The following CAMSAP2 variants were observed in gnomAD, a reference collection of about 807,000 sequenced individuals.
The protein encoded by CAMSAP2 is calmodulin regulated spectrin associated protein family member 2.
Under a neutral mutation model 146.1 loss-of-function variants are expected in CAMSAP2, and 26 were observed. That is an observed-to-expected ratio of 0.18 (90% CI 0.13 to 0.25). The LOEUF (loss-of-function observed/expected upper bound fraction) is 0.25. CAMSAP2 is among the 10% of genes least tolerant of loss of function. CAMSAP2 has a pLI of 1.00. For synonymous variants in CAMSAP2, 499 were observed against 596.6 expected (o/e 0.84, Z 2.38); for missense variants, 1,381 against 1,759.3 (o/e 0.78, Z 3.85).
At chr1:200,769,203 T>C (rs1665044589) in intron 2 of CAMSAP2, among the ~76,000 whole-genome samples, 1 of 152,198 alleles carries the variant, frequency 6.6e-6, no homozygotes, top group Non-Finnish European at 1.5e-5. Flanking sequence ...GCTTTTGAAC[T>C]CTTGTATTTT....
At chr1:200,771,306 AT>A (rs1385708513) in intron 2 of CAMSAP2, among the ~76,000 whole-genome samples, 2 of 152,202 alleles carry the variant, frequency 1.3e-5, no homozygotes, top group Non-Finnish European at 2.9e-5. Flanking sequence ...TATTTAAAAA[AT>A]GTTTAGAATT....
Position 200,844,685 on chromosome 1 carries a change from AATAGAAGTTAAATTTTGTT to A in CAMSAP2, c.1022-93_1022-75del, listed in dbSNP as rs1667415985. The A allele has an allele frequency of 1.4e-5, 8 of 580,476 alleles. No individual in the cohort carries two copies. In the East Asian group the frequency reaches 2.5e-4, roughly 18 times the overall value. 36.0% of individuals were successfully genotyped at this position (580,476 alleles called of 1,614,324 possible). ...TGATTTCTCAATACGTAGAAAGGGAAATAGAAGTTAAATTTTGTTATAAATTTGCTTATGGTCCAGAATT... is the reference window on the plus strand; with the variant it reads ...TGATTTCTCAATACGTAGAAAGGGAAATAAATTTGCTTATGGTCCAGAATT... On this transcript the variant is annotated intron_variant, in intron 7 of 16. Coordinates refer to ENST00000358823, the MANE Select transcript of CAMSAP2 (RefSeq NM_203459.4).
chr1:200,782,782 C>CTTTTTTTT (rs57995961), intron 2 of CAMSAP2, among the ~76,000 whole-genome samples: 1 of 72,242 alleles, frequency 1.4e-5, no homozygotes, highest in Non-Finnish European at 2.7e-5. Context: ...TCATTTCTCT[C>CTTTTTTTT]TTTTTTTTTT....
intron 1 of CAMSAP2, among the ~76,000 whole-genome samples, chr1:200,748,899 G>A (rs1558159057): frequency 6.6e-6 from 1 of 151,540 alleles, no homozygotes; most frequent in Non-Finnish European, 1.5e-5. Context: ...TTTATTATTT[G>A]GTTACCCTGA....
At chr1:200,769,203 T>G (rs1665044589) in intron 2 of CAMSAP2, among the ~76,000 whole-genome samples, 1 of 152,198 alleles carries the variant, frequency 6.6e-6, no homozygotes, top group Admixed American at 6.5e-5. Context: ...GCTTTTGAAC[T>G]CTTGTATTTT....
At position 200,849,673 on chromosome 1, in the gene CAMSAP2, A is replaced by G; in HGVS notation, c.2904A>G (p.Ala968=). ...PSPQSSNRKS[A]SFSVKSQRTP... Reference sequence around the variant, plus strand: ...CACAGTCTTCTAACAGGAAAAGTGCATCTTTTTCTGTTAAAAGTCAAAGGA... The same window carrying G: ...CACAGTCTTCTAACAGGAAAAGTGCGTCTTTTTCTGTTAAAAGTCAAAGGA... Residue 968 remains alanine, a synonymous_variant, in exon 11 of 17, where the codon GCA becomes GCG. Coordinates refer to ENST00000358823, the MANE Select transcript of CAMSAP2 (RefSeq NM_203459.4). The surrounding 1 kb of genome is among the most constrained non-coding windows in gnomAD (Gnocchi z 6.3). 3.7e-6 allele frequency: 6 copies of G among 1,614,194 alleles called. No individual in the cohort carries two copies. The highest frequency in any genetic ancestry group is 5.1e-6 in the Non-Finnish European group (6 of 1,180,018).
intron 1 of CAMSAP2, among the ~76,000 whole-genome samples, chr1:200,760,506 G>A (rs1664771360): frequency 6.6e-6 from 1 of 152,142 alleles, no homozygotes; most frequent in South Asian, 2.1e-4. Context: ...ATTGAAATTA[G>A]TTTTTAGGAA....
At chr1:200,808,618 C>A (rs1178682550) in intron 3 of CAMSAP2, among the ~76,000 whole-genome samples, 2 of 152,186 alleles carry the variant, frequency 1.3e-5, no homozygotes, top group Non-Finnish European at 1.5e-5. Flanking sequence ...TTCCCTGACT[C>A]CTCCTCAGCT....
intron 2 of CAMSAP2, among the ~76,000 whole-genome samples, chr1:200,777,410 A>G (rs1296642810): frequency 1.3e-5 from 2 of 152,216 alleles, no homozygotes; most frequent in African/African-American, 2.4e-5. Context: ...GAAGCATGGT[A>G]GAACATCTTG....
chr1:200,743,556 A>C (rs565030750), intron 1 of CAMSAP2, among the ~76,000 whole-genome samples: 12 of 152,044 alleles, frequency 7.9e-5, no homozygotes, highest in African/African-American at 2.9e-4. Context: ...TGTGTCTTTG[A>C]CTTTGTAGTC....
chr1:200,803,990 G>C (rs1666104883), intron 2 of CAMSAP2, among the ~76,000 whole-genome samples: 1 of 151,368 alleles, frequency 6.6e-6, no homozygotes, highest in East Asian at 1.9e-4. Context: ...GCAGTGGTGC[G>C]ACCTCGGCTC....
At position 200,832,914 on chromosome 1, in the gene CAMSAP2, C is replaced by T. The variant is rs1002741745; in HGVS notation, c.927+69C>T. On this transcript the variant is annotated intron_variant, in intron 6 of 16. Transcript: ENST00000358823. The surrounding 1 kb of genome is among the most constrained non-coding windows in gnomAD (Gnocchi z 4.2). ...TGTTTTTTTAAAAAACAAACAAAAACACCGGGAACAGTGGCTCATGCCTGT... is the reference window on the plus strand; with the variant it reads ...TGTTTTTTTAAAAAACAAACAAAAATACCGGGAACAGTGGCTCATGCCTGT... 1.5e-6 allele frequency: 2 copies of T among 1,377,574 alleles called. No individual in the cohort carries two copies. Among genetic ancestry groups the T allele is most frequent in the Admixed American group, 2.2e-5 (1 of 45,618 alleles). 85.3% of individuals were successfully genotyped at this position (1,377,574 alleles called of 1,614,324 possible). A position where few individuals can be genotyped will look rare whatever the true frequency, so the allele number is the denominator to read the frequency against.
chr1:200,817,072 A>C (rs530284766), intron 4 of CAMSAP2, among the ~76,000 whole-genome samples: 2 of 139,440 alleles, frequency 1.4e-5, no homozygotes, highest in African/African-American at 5.2e-5. Flanking sequence ...ACACGTATAT[A>C]TGTGTATACA....
At chr1:200,786,862 T>A (rs1015004422) in intron 2 of CAMSAP2, among the ~76,000 whole-genome samples, 3 of 152,180 alleles carry the variant, frequency 2.0e-5, no homozygotes, top group African/African-American at 7.2e-5. Flanking sequence ...AAGCCAGTGC[T>A]CATTTACCAT....
At position 200,768,275 on chromosome 1, in the gene CAMSAP2, T is replaced by C. The variant is rs144824177; in HGVS notation, c.399+7177T>C. Among the ~76,000 whole-genome samples, 60 of 152,266 alleles carry C rather than the reference T, an allele frequency of 3.9e-4. No homozygotes were observed. The East Asian group carries it at 0.01, about 26-fold the overall frequency. ...AAATGAAGGCTGTGTTGTACGGTAT[T>C]GTATTTGGGAGTATAATGGGATGTT... On this transcript the variant is annotated intron_variant, in intron 2 of 16. Transcript: ENST00000358823.
intron 2 of CAMSAP2, among the ~76,000 whole-genome samples, chr1:200,806,287 A>C (rs1666167643): frequency 6.6e-6 from 1 of 152,240 alleles, no homozygotes; most frequent in African/African-American, 2.4e-5. Flanking sequence ...TTTCCAAAGA[A>C]GAAATGCAAA....
In CAMSAP2 at chr1:200,853,132, T is replaced by A. The variant is rs1667666151; in HGVS notation, c.3603-143T>A. The A allele has an allele frequency of 1.5e-6, 1 of 685,554 alleles. No homozygotes were observed. Among genetic ancestry groups the A allele is most frequent in the Non-Finnish European group, 2.5e-6 (1 of 403,784 alleles). The allele number at this position is 685,554 out of a possible 1,614,324, so 42.5% of individuals were successfully genotyped here. ...TGCTTAATCCCATGTCTCAGCAGAATCGTCAAGTACCTTTTAAATGAACCA... is the reference window on the plus strand; with the variant it reads ...TGCTTAATCCCATGTCTCAGCAGAAACGTCAAGTACCTTTTAAATGAACCA... On this transcript the variant is annotated intron_variant, in intron 12 of 16. Coordinates refer to ENST00000358823, the MANE Select transcript of CAMSAP2 (RefSeq NM_203459.4). This position sits in a 1 kb window ranked among gnomAD's most constrained non-coding sequence, Gnocchi z 5.1.
intron 2 of CAMSAP2, among the ~76,000 whole-genome samples, chr1:200,777,330 A>G (rs527422662): frequency 2.6e-5 from 4 of 152,288 alleles, no homozygotes; most frequent in East Asian, 1.9e-4. Flanking sequence ...CAACTTTGTA[A>G]TGAAAAGGAT....
intron 2 of CAMSAP2, among the ~76,000 whole-genome samples, chr1:200,806,907 GA>G (rs1230809388): frequency 1.3e-5 from 2 of 152,050 alleles, no homozygotes; most frequent in Non-Finnish European, 2.9e-5. Flanking sequence ...ACCAGTTAAA[GA>G]ATTTTTTACC....
Sources: allele counts gnomAD v4.1 joint callset (sites outside exome capture counted in the v4.1 genomes callset), GRCh38; gene constraint gnomAD v4.1.1; non-coding constraint Gnocchi (gnomAD v3.1); transcripts MANE v1.5; gene names NCBI Gene and HGNC (gene_info 2026-07-23, HGNC 2026-07-21).